Variants in PCDH9 observed in about 807,000 individuals in gnomAD.
The protein encoded by PCDH9 is protocadherin-9.
PCDH9 carries 24 observed loss-of-function variants against 70.6 expected under a neutral mutation model. That is an observed-to-expected ratio of 0.34 (90% CI 0.25 to 0.48). The LOEUF is 0.48. Among genes scored for constraint, PCDH9 ranks in the 20% least tolerant of loss-of-function variants. The pLI, the probability that PCDH9 is intolerant of heterozygous loss-of-function variation, is 0.99. For missense variants in PCDH9, 1,281 were observed against 1,503.6 expected, an observed-to-expected ratio of 0.85 and a Z score of 2.45; for synonymous variants, 562 against 558.5, an observed-to-expected ratio of 1.01 and a Z score of -0.09.
chr13:66,567,257 A>G (rs1038159650), intron 4 of PCDH9, among the ~76,000 whole-genome samples: 4 of 152,164 alleles, frequency 2.6e-5, no homozygotes, highest in Non-Finnish European at 5.9e-5. Flanking sequence ...CAAGGAGTTC[A>G]TGTTCTAATT....
intron 2 of PCDH9, among the ~76,000 whole-genome samples, chr13:67,111,427 C>T (rs940206760): frequency 2.0e-5 from 3 of 152,016 alleles, no homozygotes; most frequent in African/African-American, 7.3e-5. Context: ...AGCATGAGGC[C>T]AAAGGGGCCA....
intron 4 of PCDH9, among the ~76,000 whole-genome samples, chr13:66,490,164 C>T (rs753860641): frequency 6.6e-6 from 1 of 152,078 alleles, no homozygotes; most frequent in Non-Finnish European, 1.5e-5. Flanking sequence ...TCTGACTTCT[C>T]GAGGAGAATA....
chr13:66,530,256 T>C (rs1368806010), intron 4 of PCDH9, among the ~76,000 whole-genome samples: 2 of 152,070 alleles, frequency 1.3e-5, no homozygotes, highest in Non-Finnish European at 2.9e-5. Context: ...AAGATATGTG[T>C]TTGTGGCAAG....
rs187355643 is a variant in PCDH9 at position 66,551,134 on chromosome 13, T to G, written c.3340+80076A>C. Among the ~76,000 whole-genome samples, 17 of 152,254 alleles carry G rather than the reference T, an allele frequency of 1.1e-4. No individual in the cohort carries two copies. In the East Asian group the frequency reaches 3.3e-3, roughly 29 times the overall value. On this transcript the variant is annotated intron_variant, in intron 4 of 4. Coordinates refer to ENST00000377865, the MANE Select transcript of PCDH9 (RefSeq NM_203487.3). The stretch of plus-strand genomic sequence containing the variant: ...GCTTTTCTACTAACAAATACTTTAT[T>G]TTTTGCTGTTATTGTTGGCTAAGAG...
intron 3 of PCDH9, among the ~76,000 whole-genome samples, chr13:66,706,389 C>T (rs2078711850): frequency 6.6e-6 from 1 of 152,166 alleles, no homozygotes; most frequent in Admixed American, 6.5e-5. Flanking sequence ...AGTTCCTTAA[C>T]CTGTCTGAAA....
chr13:66,892,507 T>TCA (rs2082113041), intron 3 of PCDH9, among the ~76,000 whole-genome samples: 1 of 151,916 alleles, frequency 6.6e-6, no homozygotes, highest in Non-Finnish European at 1.5e-5. Flanking sequence ...TTTCAACATA[T>TCA]CACAGCATTT....
intron 4 of PCDH9, among the ~76,000 whole-genome samples, chr13:66,316,251 A>G (rs969634709): frequency 2.0e-5 from 3 of 152,140 alleles, no homozygotes; most frequent in Non-Finnish European, 2.9e-5. Context: ...CCTTAACTTA[A>G]TCATGCCTGA....
chr13:66,936,391 A>C (rs1041136001), intron 2 of PCDH9, among the ~76,000 whole-genome samples: 1 of 152,274 alleles, frequency 6.6e-6, no homozygotes, highest in Non-Finnish European at 1.5e-5. Context: ...CTCGATCTAG[A>C]TCTTTGCAAA....
At position 67,225,596 on chromosome 13, in the gene PCDH9, G is replaced by T. The variant is rs1259143412; in HGVS notation, c.2845C>A (p.His949Asn). 1 of 1,614,002 alleles carries T rather than the reference G, an allele frequency of 6.2e-7. No individual in the cohort carries two copies. The highest frequency in any genetic ancestry group is 1.7e-5 in the Admixed American group (1 of 60,006). Residue 949 changes from histidine (H) to asparagine (N), a missense_variant, in exon 2 of 5, where the codon CAT becomes AAT. Transcript: ENST00000377865. Reference protein sequence around the residue: ...YKSASPQPAFHLKPDTPVSVK... With the variant: ...YKSASPQPAFNLKPDTPVSVK... Reference sequence around the variant, plus strand: ...GAAACTGGAGTGTCTGGTTTGAGATGAAAAGCAGGCTGTGGAGAAGCAGAT... The same window carrying T: ...GAAACTGGAGTGTCTGGTTTGAGATTAAAAGCAGGCTGTGGAGAAGCAGAT...
intron 2 of PCDH9, among the ~76,000 whole-genome samples, chr13:66,994,214 G>C (rs1028407811): frequency 6.6e-6 from 1 of 152,164 alleles, no homozygotes; most frequent in African/African-American, 2.4e-5. Context: ...CTCCAAGAGA[G>C]AGTGATGAAA....
rs574188832 is a variant in PCDH9 at position 67,018,422 on chromosome 13, C to T, written c.3037-114817G>A. On this transcript the variant is annotated intron_variant, in intron 2 of 4. Coordinates refer to ENST00000377865, the MANE Select transcript of PCDH9 (RefSeq NM_203487.3). ...GATCACAAGGTCAAGAGATCGAGAC[C>T]ATCCTGGTCAACATAGTGAAACCCC... 1.4e-4 allele frequency among the ~76,000 whole-genome samples: 22 copies of T among 152,056 alleles called. 1 individual carries two copies. The Middle Eastern group carries it at 0.014, about 95-fold the overall frequency.
intron 4 of PCDH9, among the ~76,000 whole-genome samples, chr13:66,380,613 G>A (rs960581412): frequency 1.4e-5 from 2 of 141,828 alleles, no homozygotes; most frequent in Admixed American, 7.8e-5. Flanking sequence ...GCGTCATCTC[G>A]GCTCACTGCA....
Position 66,863,831 on chromosome 13 carries a change from T to C in PCDH9, c.3138+39673A>G, listed in dbSNP as rs1160981956. 2.0e-5 allele frequency among the ~76,000 whole-genome samples: 3 copies of C among 152,116 alleles called. No individual in the cohort carries two copies. The East Asian group carries it at 5.8e-4, about 29-fold the overall frequency. ...AGGGAAATTTTGGTACTATAAGACA[T>C]CGTATTGGTCCGTTCTCCTGCTGCT... On this transcript the variant is annotated intron_variant, in intron 3 of 4. Transcript: ENST00000377865.
chr13:67,022,647 G>A (rs2084700925), intron 2 of PCDH9, among the ~76,000 whole-genome samples: 1 of 152,120 alleles, frequency 6.6e-6, no homozygotes, highest in Non-Finnish European at 1.5e-5. Context: ...TTTCTTTAAG[G>A]AAACAGTATC....
At chr13:67,131,969 T>G (rs2087121747) in intron 2 of PCDH9, among the ~76,000 whole-genome samples, 1 of 152,158 alleles carries the variant, frequency 6.6e-6, no homozygotes, top group Admixed American at 6.6e-5. Flanking sequence ...CATCAGCACA[T>G]TTGACTGTGC....
At chr13:66,705,676 T>A (rs2078702105) in intron 3 of PCDH9, among the ~76,000 whole-genome samples, 1 of 152,188 alleles carries the variant, frequency 6.6e-6, no homozygotes, top group African/African-American at 2.4e-5. Flanking sequence ...AAAATGCAGT[T>A]TTTGCTCCTC....
chr13:67,109,066 T>A (rs1005220002), intron 2 of PCDH9, among the ~76,000 whole-genome samples: 1 of 152,166 alleles, frequency 6.6e-6, no homozygotes, highest in African/African-American at 2.4e-5. Flanking sequence ...AAAATATAAA[T>A]GTACATATTT....
At chr13:67,156,794 T>A (rs940006844) in intron 2 of PCDH9, among the ~76,000 whole-genome samples, 1 of 152,286 alleles carries the variant, frequency 6.6e-6, no homozygotes, top group East Asian at 1.9e-4. Flanking sequence ...GGGCTTCAGC[T>A]GTAAACATTC....
intron 4 of PCDH9, among the ~76,000 whole-genome samples, chr13:66,560,094 T>C (rs1295140751): frequency 1.3e-5 from 2 of 151,984 alleles, no homozygotes; most frequent in Non-Finnish European, 2.9e-5. Flanking sequence ...GTCCTGTGTG[T>C]GGACTCCATT....
Sources: allele counts gnomAD v4.1 joint callset (sites outside exome capture counted in the v4.1 genomes callset), GRCh38; gene constraint gnomAD v4.1.1; transcripts MANE v1.5; gene names NCBI Gene and HGNC (gene_info 2026-07-23, HGNC 2026-07-21).